EPHA3: variants seen among roughly 807,000 people sequenced by gnomAD.
EPHA3 encodes EPH receptor A3, also known as ephrin type-A receptor 3.
EPHA3 carries 42 observed loss-of-function variants against 107.1 expected under a neutral mutation model. The observed-to-expected ratio is 0.39, with a 90% CI of 0.31 to 0.51. The LOEUF (loss-of-function observed/expected upper bound fraction) is 0.51, where lower values mean the gene tolerates loss of function less well. EPHA3 is among the 20% of genes least tolerant of loss of function. The probability of loss-of-function intolerance (pLI) is 0.78; values close to 1 mark genes in which losing one functional copy is unlikely to be tolerated. For missense variants in EPHA3, 1,183 were observed against 1,211.2 expected (o/e 0.98, Z 0.35); for synonymous variants, 461 against 424.8 (o/e 1.09, Z -1.05).
chr3:89,384,484 G>A (rs1432816838), intron 5 of EPHA3, among the ~76,000 whole-genome samples: 2 of 152,062 alleles, frequency 1.3e-5, no homozygotes, highest in Non-Finnish European at 1.5e-5. Context: ...TTCTCCTTGT[G>A]GATTGTTTAC....
intron 5 of EPHA3, among the ~76,000 whole-genome samples, chr3:89,364,423 A>G (rs1182240387): frequency 6.6e-6 from 1 of 151,034 alleles, no homozygotes; most frequent in Non-Finnish European, 1.5e-5. Flanking sequence ...AAATCACTCT[A>G]CAGATGAATC....
intron 3 of EPHA3, among the ~76,000 whole-genome samples, chr3:89,328,471 G>T (rs1707218624): frequency 6.6e-6 from 1 of 152,134 alleles, no homozygotes; most frequent in South Asian, 2.1e-4. Context: ...AAAGAGATAA[G>T]GTAATCAATT....
chr3:89,197,861 A>T (rs1559595992), intron 2 of EPHA3, among the ~76,000 whole-genome samples: 1 of 152,128 alleles, frequency 6.6e-6, no homozygotes, highest in Non-Finnish European at 1.5e-5. Flanking sequence ...CCTTAGTCCC[A>T]GCTACTGGGG....
chr3:89,224,942 G>A (rs1449067340), intron 3 of EPHA3, among the ~76,000 whole-genome samples: 1 of 151,770 alleles, frequency 6.6e-6, no homozygotes, highest in African/African-American at 2.4e-5. Context: ...AATATAGACG[G>A]GAAAGGTTAA....
intron 12 of EPHA3, among the ~76,000 whole-genome samples, chr3:89,429,694 TCATC>T (rs1205177277): frequency 2.7e-4 from 38 of 138,892 alleles, no homozygotes; most frequent in African/African-American, 9.6e-4. Flanking sequence ...CGTTTATCTA[TCATC>T]TATCTATCTA....
At chr3:89,415,465 A>AG in intron 10 of EPHA3, among the ~76,000 whole-genome samples, 1 of 94,410 alleles carries the variant, frequency 1.1e-5, no homozygotes, top group African/African-American at 4.5e-5. Flanking sequence ...ATTTACAGAA[A>AG]GAATATATAT....
intron 3 of EPHA3, among the ~76,000 whole-genome samples, chr3:89,239,897 T>G (rs1704854899): frequency 6.6e-6 from 1 of 152,156 alleles, no homozygotes; most frequent in African/African-American, 2.4e-5. Flanking sequence ...AAATTAAAAA[T>G]TAATTAATTT....
chr3:89,432,565 C>T (rs900610123), intron 13 of EPHA3, among the ~76,000 whole-genome samples: 5 of 151,968 alleles, frequency 3.3e-5, no homozygotes, highest in East Asian at 1.9e-4. Context: ...CCACCAGCCC[C>T]AGCTAATTTT....
At chr3:89,289,773 T>C (rs534306417) in intron 3 of EPHA3, among the ~76,000 whole-genome samples, 8 of 152,108 alleles carry the variant, frequency 5.3e-5, no homozygotes, top group Admixed American at 4.6e-4. Context: ...GAAAGAAATG[T>C]GTGGAGGAGC....
At chr3:89,149,052 C>T (rs932999036) in intron 2 of EPHA3, among the ~76,000 whole-genome samples, 4 of 151,976 alleles carry the variant, frequency 2.6e-5, no homozygotes, top group Admixed American at 2.0e-4. Flanking sequence ...GATTATAGTT[C>T]TTCAAAAGAG....
intron 8 of EPHA3, 100 bp downstream of exon 8, chr3:89,407,471 T>G: frequency 1.1e-6 from 1 of 934,090 alleles, no homozygotes; most frequent in East Asian, 2.6e-5. Context: ...TAAAATATTT[T>G]AACAAATAAG....
rs1398184294 is a variant in EPHA3, at chr3:89,255,205, G to A, written c.814+44685G>A. On this transcript the variant is annotated intron_variant, in intron 3 of 16. Transcript: ENST00000336596. ...TTTTAGAAATATTTTACCTCAAGACGGAAGTCTATGGTAGCATTTTATTAC... is the reference window on the plus strand; with the variant it reads ...TTTTAGAAATATTTTACCTCAAGACAGAAGTCTATGGTAGCATTTTATTAC... Among the ~76,000 whole-genome samples the A allele has an allele frequency of 4.6e-5, 7 of 152,034 alleles. No individual in the cohort carries two copies. In the East Asian group the frequency reaches 5.8e-4, roughly 13 times the overall value.
chr3:89,107,702 A>C lies in EPHA3; in HGVS notation c.-47A>C. 6.5e-7 allele frequency: 1 copy of C among 1,549,188 alleles called. No homozygotes were observed. Among genetic ancestry groups the C allele is most frequent in the Non-Finnish European group, 8.9e-7 (1 of 1,121,734 alleles). On this transcript the variant is annotated 5_prime_UTR_variant, in exon 1 of 17. It removes an upstream start codon present in the reference 5' UTR. Transcript: ENST00000336596. ...GAGCGCTCCCCCTCACATCAGTGGC[A>C]TGCTTCATGGAGATATGCTCCTCTC... is the stretch of plus-strand genomic sequence containing the variant.
intron 16 of EPHA3, among the ~76,000 whole-genome samples, chr3:89,479,018 T>C (rs1230906882): frequency 6.6e-6 from 1 of 152,204 alleles, no homozygotes; most frequent in East Asian, 1.9e-4. Context: ...ACTCCATTTG[T>C]ACATCGCCTT....
chr3:89,148,808 T>C (rs1704627754), intron 2 of EPHA3, among the ~76,000 whole-genome samples: 1 of 152,062 alleles, frequency 6.6e-6, no homozygotes, highest in South Asian at 2.1e-4. Context: ...GTCACTTGCA[T>C]GTCAACTTGC....
Position 89,114,179 on chromosome 3 carries a change from G to A in EPHA3, c.88+6343G>A, listed in dbSNP as rs558129521. Among the ~76,000 whole-genome samples the A allele has an allele frequency of 1.3e-4, 20 of 152,300 alleles. No homozygotes were observed. In the South Asian group the frequency reaches 3.5e-3, roughly 27 times the overall value. On this transcript the variant is annotated intron_variant, in intron 1 of 16. Transcript: ENST00000336596. Reference sequence around the variant, plus strand: ...GGAGTAGCCACAGGAGGGGATAACTGCCTTTCTTCTTCTTCGCCTTACACT... The same window carrying A: ...GGAGTAGCCACAGGAGGGGATAACTACCTTTCTTCTTCTTCGCCTTACACT...
At chr3:89,358,111 A>G (rs2107453724) in intron 5 of EPHA3, among the ~76,000 whole-genome samples, 1 of 151,302 alleles carries the variant, frequency 6.6e-6, no homozygotes. Context: ...TAGAAAGTAT[A>G]TGGAGTCTAA....
At chr3:89,415,015 G>A in intron 10 of EPHA3, among the ~76,000 whole-genome samples, 1 of 151,418 alleles carries the variant, frequency 6.6e-6, no homozygotes, top group East Asian at 1.9e-4. Context: ...GTACTTATTT[G>A]CAAATAGGTA....
chr3:89,339,492 TA>T (rs1483341134), intron 3 of EPHA3, among the ~76,000 whole-genome samples: 3 of 152,102 alleles, frequency 2.0e-5, no homozygotes, highest in African/African-American at 7.2e-5. Flanking sequence ...AAATTGGTCC[TA>T]CAGCAGCCAT....
Sources: gnomAD v4.1 joint callset for allele counts (sites outside exome capture counted in the v4.1 genomes callset) on GRCh38, gnomAD v4.1.1 for gene constraint, MANE v1.5 for transcripts, NCBI Gene and HGNC (gene_info 2026-07-23, HGNC 2026-07-21) for gene names.